MPPED1: variants seen among roughly 807,000 people sequenced by gnomAD.
The protein encoded by MPPED1 is metallophosphoesterase domain-containing protein 1.
A neutral mutation model predicts 36.2 loss-of-function variants in MPPED1; 16 were observed. The observed-to-expected ratio is 0.44, with a 90% CI of 0.30 to 0.67. MPPED1 has a LOEUF of 0.67. Among genes scored for constraint, MPPED1 ranks in the 30% least tolerant of loss-of-function variants. The pLI is 0.10. For missense variants in MPPED1, 307 were observed against 453.4 expected (o/e 0.68, Z 2.93); for synonymous variants, 199 against 191.3 (o/e 1.04, Z -0.33).
chr22:43,505,884 G>A lies in MPPED1; in HGVS notation c.*268G>A. The A allele has an allele frequency of 2.5e-6, 1 of 392,910 alleles. No individual in the cohort carries two copies. Among genetic ancestry groups the A allele is most frequent in the East Asian group, 4.1e-5 (1 of 24,150 alleles). 24.3% of individuals were successfully genotyped at this position (392,910 alleles called of 1,614,324 possible). On this transcript the variant is annotated 3_prime_UTR_variant, in exon 7 of 7. Coordinates refer to ENST00000443721, the MANE Select transcript of MPPED1 (RefSeq NM_001044370.2). ...CGTTAAAGGACCTACTAAGCTCATGGCCCTGTCATGTTTGGGAAATGACTA... is the reference window on the plus strand; with the variant it reads ...CGTTAAAGGACCTACTAAGCTCATGACCCTGTCATGTTTGGGAAATGACTA...
chr22:43,420,610 C>T (rs1302522511), intron 1 of MPPED1, among the ~76,000 whole-genome samples: 2 of 152,116 alleles, frequency 1.3e-5, no homozygotes, highest in African/African-American at 2.4e-5. Flanking sequence ...CCATGTTGGT[C>T]AGGCTGGTCT....
intron 3 of MPPED1, among the ~76,000 whole-genome samples, chr22:43,441,721 AG>A (rs1205741347): frequency 6.6e-6 from 1 of 152,212 alleles, no homozygotes; most frequent in Non-Finnish European, 1.5e-5. Flanking sequence ...AAATAGAACT[AG>A]GTCTTTTGCA....
chr22:43,416,879 G>A (rs1385665616), intron 1 of MPPED1: 10 of 508,388 alleles, frequency 2.0e-5, no homozygotes, highest in Non-Finnish European at 2.3e-5. Context: ...GTTTCTTTGC[G>A]TCTCGGGGCT....
intron 4 of MPPED1, among the ~76,000 whole-genome samples, chr22:43,477,403 T>C (rs1931609740): frequency 6.6e-6 from 1 of 152,124 alleles, no homozygotes; most frequent in African/African-American, 2.4e-5. Flanking sequence ...CCAACCGGGG[T>C]GAGCAGATTG....
At chr22:43,459,368 G>A (rs1018744830) in intron 3 of MPPED1, among the ~76,000 whole-genome samples, 5 of 152,324 alleles carry the variant, frequency 3.3e-5, no homozygotes, top group South Asian at 4.2e-4. Context: ...GATTACAGGC[G>A]TGAGCTATTG....
intron 3 of MPPED1, among the ~76,000 whole-genome samples, chr22:43,473,630 T>G (rs1931448492): frequency 1.3e-5 from 2 of 152,094 alleles, no homozygotes; most frequent in African/African-American, 4.8e-5. Context: ...GGCCCATGAG[T>G]GCCCAGCAGC....
intron 3 of MPPED1, among the ~76,000 whole-genome samples, chr22:43,447,985 T>C (rs1930423442): frequency 6.7e-6 from 1 of 150,228 alleles, no homozygotes; most frequent in Admixed American, 6.6e-5. Flanking sequence ...TTCAAGCAAT[T>C]CTCCTGCCTC....
Position 43,505,631 on chromosome 22 carries a change from C to A in MPPED1, c.*15C>A. 6.3e-7 allele frequency: 1 copy of A among 1,587,880 alleles called. No homozygotes were observed. ...GGAACTCCTGACTGCTCCCCACTGCCCCTGCCCTGCCCGCCCGTGTCAGCT... is the reference window on the plus strand; with the variant it reads ...GGAACTCCTGACTGCTCCCCACTGCACCTGCCCTGCCCGCCCGTGTCAGCT... On this transcript the variant is annotated 3_prime_UTR_variant, in exon 7 of 7. Coordinates refer to ENST00000443721, the MANE Select transcript of MPPED1 (RefSeq NM_001044370.2).
intron 1 of MPPED1, chr22:43,417,775 G>T: frequency 3.7e-6 from 1 of 273,802 alleles, no homozygotes; most frequent in Non-Finnish European, 7.3e-6. Flanking sequence ...ATCGCCCTGA[G>T]CCACCGGCCT....
chr22:43,497,234 G>A (rs1932447623), intron 4 of MPPED1, among the ~76,000 whole-genome samples: 1 of 151,904 alleles, frequency 6.6e-6, no homozygotes, highest in Non-Finnish European at 1.5e-5. Flanking sequence ...GGTGATGCTG[G>A]TTACTTTATT....
intron 4 of MPPED1, among the ~76,000 whole-genome samples, chr22:43,487,635 A>T (rs1931953663): frequency 6.6e-6 from 1 of 152,118 alleles, no homozygotes; most frequent in Non-Finnish European, 1.5e-5. Context: ...AGGGTCAGGG[A>T]GCTCAGAGGA....
chr22:43,500,682 G>A (rs1932706961), intron 5 of MPPED1, among the ~76,000 whole-genome samples: 1 of 151,956 alleles, frequency 6.6e-6, no homozygotes, highest in Non-Finnish European at 1.5e-5. Context: ...CAGTGCTTGG[G>A]ACCAGCCCCT....
At chr22:43,424,887 G>C (rs964996881) in intron 1 of MPPED1, 21 bp from the exon 2 acceptor site, 29 of 1,500,900 alleles carry the variant, frequency 1.9e-5, no homozygotes, top group African/African-American at 2.8e-5. Flanking sequence ...ACTGTCGCAC[G>C]GTTCTGCTCC....
At chr22:43,432,574 GGA>G (rs1245662167) in intron 2 of MPPED1, among the ~76,000 whole-genome samples, 54 of 96,460 alleles carry the variant, frequency 5.6e-4, no homozygotes, top group South Asian at 1.3e-3. Context: ...GAGAAAGGGA[GGA>G]GAGAGAGGGA....
At chr22:43,447,477 C>T (rs1433964445) in intron 3 of MPPED1, among the ~76,000 whole-genome samples, 4 of 152,076 alleles carry the variant, frequency 2.6e-5, no homozygotes, top group Non-Finnish European at 5.9e-5. Flanking sequence ...CACCATCTCC[C>T]TGTCTATGCA....
Position 43,437,420 on chromosome 22 carries a change from T to TC in MPPED1, c.406+2208dup, listed in dbSNP as rs202130590. Reference sequence around the variant, plus strand: ...CCATTTTACAGAGGAGAAAACCAAGTCCCAGAGAAGTGAAGCCACTTACCC... The same window carrying TC: ...CCATTTTACAGAGGAGAAAACCAAGTCCCCAGAGAAGTGAAGCCACTTACCC... On this transcript the variant is annotated intron_variant, in intron 3 of 6. Transcript: ENST00000443721. 6.8e-4 allele frequency among the ~76,000 whole-genome samples: 104 copies of TC among 152,222 alleles called. 1 individual carries two copies. In the East Asian group the frequency reaches 0.018, roughly 26 times the overall value.
intron 4 of MPPED1, among the ~76,000 whole-genome samples, chr22:43,497,312 G>T (rs1248062687): frequency 6.6e-6 from 1 of 151,986 alleles, no homozygotes; most frequent in Non-Finnish European, 1.5e-5. Context: ...TGATGCTTTT[G>T]TTGCAAATGA....
In MPPED1 at chr22:43,425,180, G is replaced by A; in HGVS notation, c.195G>A (p.Gln65=). 6.2e-7 allele frequency: 1 copy of A among 1,608,102 alleles called. No individual in the cohort carries two copies. Among genetic ancestry groups the A allele is most frequent in the Non-Finnish European group, 8.5e-7 (1 of 1,175,152 alleles). ...TQAFTFYNIN[Q]GRFQPPHVQM... is the part of the protein sequence containing the mutation. ...CCTTCACCTTCTACAACATCAACCAGGGCCGCTTCCAGCCACCGCATGTGC... is the reference window on the plus strand; with the variant it reads ...CCTTCACCTTCTACAACATCAACCAAGGCCGCTTCCAGCCACCGCATGTGC... The change falls in exon 2 of 7, where the codon CAG becomes CAA. Residue 65 remains glutamine, a synonymous_variant. Transcript: ENST00000443721.
At chr22:43,473,365 C>A (rs1931440257) in intron 3 of MPPED1, among the ~76,000 whole-genome samples, 1 of 152,148 alleles carries the variant, frequency 6.6e-6, no homozygotes, top group African/African-American at 2.4e-5. Flanking sequence ...AGAGGGGATG[C>A]CTCGCGAGGT....
Sources: gnomAD v4.1 joint callset for allele counts (sites outside exome capture counted in the v4.1 genomes callset) on GRCh38, gnomAD v4.1.1 for gene constraint, MANE v1.5 for transcripts, NCBI Gene and HGNC (gene_info 2026-07-23, HGNC 2026-07-21) for gene names.